Variants in DEUP1 observed in about 807,000 individuals in gnomAD.
DEUP1 encodes coiled-coil domain containing 67.
DEUP1 carries 82 observed loss-of-function variants against 87.4 expected under a neutral mutation model. That is an observed-to-expected ratio of 0.94 (90% CI 0.78 to 1.13). The LOEUF is 1.13. DEUP1 is among the 50% of genes most tolerant of loss of function. The pLI is 0.00. For missense variants in DEUP1, 663 were observed against 681.5 expected (o/e 0.97, Z 0.30); for synonymous variants, 214 against 222.7 (o/e 0.96, Z 0.35).
chr11:93,331,776 A>T (rs1237196086), intron 1 of DEUP1, among the ~76,000 whole-genome samples: 1 of 152,180 alleles, frequency 6.6e-6, no homozygotes, highest in Non-Finnish European at 1.5e-5. Context: ...GTAAATGCAT[A>T]GGGGTCGCTA....
Position 93,408,332 on chromosome 11 carries a change from C to T in DEUP1, c.1428C>T (p.Val476=). 6.3e-7 allele frequency: 1 copy of T among 1,577,974 alleles called. No homozygotes were observed. Among genetic ancestry groups the T allele is most frequent in the East Asian group, 2.3e-5 (1 of 43,516 alleles). Residue 476 remains valine, a synonymous_variant, in exon 12 of 14, where the codon GTC becomes GTT. Coordinates refer to ENST00000298050, the MANE Select transcript of DEUP1 (RefSeq NM_181645.4). ...GAAATGATCTTGCAAAACTTCATGT[C>T]AATGGAAAATCAACCTGGACTAATC... is the stretch of plus-strand genomic sequence containing the variant. The part of the protein sequence containing the change: ...RLRNDLAKLH[V]NGKSTWTNQN...
At chr11:93,411,553 A>G (rs974946814) in intron 12 of DEUP1, among the ~76,000 whole-genome samples, 1 of 152,184 alleles carries the variant, frequency 6.6e-6, no homozygotes, top group African/African-American at 2.4e-5. Context: ...TAAGACAGCT[A>G]CTTAGCACTT....
chr11:93,394,684 T>C (rs925293862), intron 10 of DEUP1, 28 bp downstream of exon 10: 3 of 1,522,810 alleles, frequency 2.0e-6, no homozygotes, highest in Non-Finnish European at 2.7e-6. Flanking sequence ...ATAGCACTTG[T>C]CTAGGGCACA....
At chr11:93,387,225 G>A (rs940948833) in intron 8 of DEUP1, among the ~76,000 whole-genome samples, 1 of 152,082 alleles carries the variant, frequency 6.6e-6, no homozygotes, top group African/African-American at 2.4e-5. Context: ...CACTAAAAGA[G>A]TCTAATTTTT....
chr11:93,415,123 C>A lies in DEUP1; in HGVS notation c.1638+9C>A. On this transcript the variant is annotated intron_variant, in intron 13 of 13. Transcript: ENST00000298050. ...ATGATGTATTCCCACTGGTGAGTTG[C>A]TGGTTGTGGGCTTTTTTTTTCTTTA... 1 of 1,568,156 alleles carries A rather than the reference C, an allele frequency of 6.4e-7. No individual in the cohort carries two copies. Among genetic ancestry groups the A allele is most frequent in the Non-Finnish European group, 8.8e-7 (1 of 1,141,124 alleles).
chr11:93,363,668 A>G (rs547571348), intron 4 of DEUP1, among the ~76,000 whole-genome samples: 52 of 151,968 alleles, frequency 3.4e-4, no homozygotes, highest in Non-Finnish European at 6.6e-4. Context: ...TATTAGATCA[A>G]TTTTGATATT....
intron 2 of DEUP1, among the ~76,000 whole-genome samples, chr11:93,353,513 G>A (rs894920715): frequency 5.3e-5 from 8 of 152,212 alleles, no homozygotes; most frequent in Admixed American, 5.2e-4. Flanking sequence ...GGGACTCTGT[G>A]TGGGTGTTCC....
chr11:93,388,254 T>C (rs770167698), intron 8 of DEUP1, among the ~76,000 whole-genome samples: 66 of 152,266 alleles, frequency 4.3e-4, no homozygotes, highest in Non-Finnish European at 2.5e-4. Context: ...AAACCTAAAA[T>C]TGTACTCACA....
intron 9 of DEUP1, among the ~76,000 whole-genome samples, chr11:93,390,913 C>A (rs1946745245): frequency 6.6e-6 from 1 of 152,102 alleles, no homozygotes; most frequent in Admixed American, 6.5e-5. Context: ...GAAACCCCGT[C>A]TCTACTAAAA....
intron 13 of DEUP1, among the ~76,000 whole-genome samples, chr11:93,428,404 A>G (rs1001348840): frequency 6.9e-6 from 1 of 145,538 alleles, no homozygotes; most frequent in South Asian, 2.4e-4. Flanking sequence ...ATGAGAATAC[A>G]TGGACACAGG....
intron 2 of DEUP1, among the ~76,000 whole-genome samples, chr11:93,335,342 A>G (rs1943701966): frequency 6.6e-6 from 1 of 152,188 alleles, no homozygotes; most frequent in South Asian, 2.1e-4. Context: ...TCCTTTGGGT[A>G]TTTGAAAACA....
In DEUP1 at chr11:93,331,659, C is replaced by T. The variant is rs138706097; in HGVS notation, c.-44-557C>T. Among the ~76,000 whole-genome samples the T allele has an allele frequency of 2.6e-5, 4 of 152,290 alleles. No individual in the cohort carries two copies. In the East Asian group the frequency reaches 7.7e-4, roughly 29 times the overall value. The stretch of plus-strand genomic sequence containing the variant: ...ATTCTGTTTTACTCATTCTCATGTA[C>T]TGAGCCGTTTGCGAACAACGTAGTA... On this transcript the variant is annotated intron_variant, in intron 1 of 13. Coordinates refer to ENST00000298050, the MANE Select transcript of DEUP1 (RefSeq NM_181645.4).
At chr11:93,383,402 C>T (rs1316852303) in intron 7 of DEUP1, 3 of 428,190 alleles carry the variant, frequency 7.0e-6, no homozygotes, top group African/African-American at 6.1e-5. Context: ...TTGTATGAAA[C>T]ATCTAGAATA....
chr11:93,391,420 T>A (rs1565329535), intron 9 of DEUP1, among the ~76,000 whole-genome samples: 1 of 152,106 alleles, frequency 6.6e-6, no homozygotes, highest in Admixed American at 6.5e-5. Context: ...TTTTAAAAGT[T>A]CCATTTTGGC....
intron 2 of DEUP1, among the ~76,000 whole-genome samples, chr11:93,339,776 C>T (rs1591079981): frequency 6.6e-6 from 1 of 152,116 alleles, no homozygotes. Context: ...CCTACCCGTC[C>T]CAGCCAAGGT....
intron 5 of DEUP1, 147 bp from the exon 6 acceptor site, chr11:93,369,926 T>C: frequency 2.7e-6 from 1 of 369,784 alleles, no homozygotes; most frequent in Non-Finnish European, 4.7e-6. Context: ...CGAGACTCCG[T>C]CTCAAAAAAA....
chr11:93,346,766 G>T (rs184850022), intron 2 of DEUP1, among the ~76,000 whole-genome samples: 1 of 152,064 alleles, frequency 6.6e-6, no homozygotes, highest in Non-Finnish European at 1.5e-5. Flanking sequence ...CAGTTCCCTC[G>T]TGAGCTGTAT....
At chr11:93,368,457 C>A (rs1945533269) in intron 5 of DEUP1, among the ~76,000 whole-genome samples, 1 of 152,128 alleles carries the variant, frequency 6.6e-6, no homozygotes, top group Non-Finnish European at 1.5e-5. Flanking sequence ...GTACAGGAGG[C>A]ATGGTTGGGG....
At chr11:93,379,133 A>C (rs921975852) in intron 7 of DEUP1, among the ~76,000 whole-genome samples, 1 of 152,118 alleles carries the variant, frequency 6.6e-6, no homozygotes, top group Non-Finnish European at 1.5e-5. Flanking sequence ...AATATCCCCA[A>C]AAATAATTCT....
Sources: allele counts gnomAD v4.1 joint callset (sites outside exome capture counted in the v4.1 genomes callset), GRCh38; gene constraint gnomAD v4.1.1; transcripts MANE v1.5; gene names NCBI Gene and HGNC (gene_info 2026-07-23, HGNC 2026-07-21).